Variants in LMF1 observed in about 807,000 individuals in gnomAD.
LMF1 encodes transmembrane protein 112.
Under a neutral mutation model 60.6 loss-of-function variants are expected in LMF1, and 68 were observed. The observed-to-expected ratio is 1.12, with a 90% CI of 0.92 to 1.37. The LOEUF is 1.37. Ranked by LOEUF, LMF1 falls within the 40% of genes most tolerant of loss-of-function variation. LMF1 has a pLI of 0.00. For synonymous variants in LMF1, 418 were observed against 324.7 expected, an observed-to-expected ratio of 1.29 and a Z score of -3.09; for missense variants, 948 against 767.2, an observed-to-expected ratio of 1.24 and a Z score of -2.78.
chr16:897,521 C>T lies in LMF1; in HGVS notation c.664-4449G>A, dbSNP rs998768536. Among the ~76,000 whole-genome samples, 2 of 152,204 alleles carry T rather than the reference C, an allele frequency of 1.3e-5. No individual in the cohort carries two copies. Among genetic ancestry groups the T allele is most frequent in the Admixed American group, 6.5e-5 (1 of 15,276 alleles). On this transcript the variant is annotated intron_variant, in intron 4 of 10. Coordinates refer to ENST00000262301, the MANE Select transcript of LMF1 (RefSeq NM_022773.4). The surrounding 1 kb of genome is among the most constrained non-coding windows in gnomAD (Gnocchi z 4.3). ...ACCTGTAAACACAGGGAATTACTCG[C>T]GACAGGTCCTGCCTCCGCAGGAGAG...
intron 2 of LMF1, among the ~76,000 whole-genome samples, chr16:952,239 C>T (rs1192331783): frequency 5.3e-5 from 8 of 152,136 alleles, no homozygotes; most frequent in Admixed American, 5.2e-4. Flanking sequence ...GCGGTGCCCA[C>T]CCCAGCAACA....
intron 3 of LMF1, among the ~76,000 whole-genome samples, chr16:915,910 A>C (rs2071267754): frequency 6.6e-6 from 1 of 151,886 alleles, no homozygotes; most frequent in African/African-American, 2.4e-5. Context: ...GGCAGGTGAG[A>C]CTCAGCAGCT....
At chr16:934,365 C>T in intron 2 of LMF1, 111 bp from the exon 3 acceptor site, 2 of 1,400,848 alleles carry the variant, frequency 1.4e-6, no homozygotes, top group Non-Finnish European at 2.0e-6. Context: ...GGTGTGGGGT[C>T]AGGGAAGCCC....
At chr16:919,412 G>A (rs1436865655) in intron 3 of LMF1, among the ~76,000 whole-genome samples, 1 of 152,138 alleles carries the variant, frequency 6.6e-6, no homozygotes, top group African/African-American at 2.4e-5. Flanking sequence ...GACACACACA[G>A]CTCCTGCCCC....
chr16:972,565 G>A (rs955388795), upstream of LMF1, among the ~76,000 whole-genome samples: 31 of 152,310 alleles, frequency 2.0e-4, 1 homozygote, highest in African/African-American at 7.0e-4. Flanking sequence ...CTGGGACCAC[G>A]CCTGCAGAGC....
At chr16:873,995 C>T (rs224164) in intron 6 of LMF1, 60,886 of 152,202 alleles carry the variant, frequency 0.4, 12,884 homozygotes, top group Middle Eastern at 0.48. Flanking sequence ...ACGTCCGAGT[C>T]GGGAATCCAG....
intron 5 of LMF1, among the ~76,000 whole-genome samples, chr16:887,357 C>T (rs1019107210): frequency 1.3e-5 from 2 of 152,336 alleles, no homozygotes; most frequent in Admixed American, 1.3e-4. Flanking sequence ...GGGGATGCAC[C>T]AGCCACAAGA....
chr16:875,999 C>T (rs1430638391), intron 6 of LMF1, among the ~76,000 whole-genome samples: 1 of 151,506 alleles, frequency 6.6e-6, no homozygotes, highest in African/African-American at 2.5e-5. Context: ...AGGCTGGACA[C>T]CCCTCCCTGG....
chr16:853,750 G>A lies in LMF1; in HGVS notation c.*782C>T. ...TAGACGCTGTTTGTCCGACGATGATGAAAGTGTGCACGGCCGGCTGTCCTC... is the reference window on the plus strand; with the variant it reads ...TAGACGCTGTTTGTCCGACGATGATAAAAGTGTGCACGGCCGGCTGTCCTC... On this transcript the variant is annotated 3_prime_UTR_variant, in exon 11 of 11. Coordinates refer to ENST00000262301, the MANE Select transcript of LMF1 (RefSeq NM_022773.4). 2.2e-6 allele frequency: 1 copy of A among 454,178 alleles called. No individual in the cohort carries two copies. The highest frequency in any genetic ancestry group is 4.4e-6 in the Non-Finnish European group (1 of 226,806). 28.1% of individuals were successfully genotyped at this position (454,178 alleles called of 1,614,324 possible).
At chr16:932,981 T>TAGGGGAGGCCTGGGGACTCAGGCC (rs1323303189) in intron 3 of LMF1, 1 of 152,216 alleles carries the variant, frequency 6.6e-6, no homozygotes, top group African/African-American at 2.4e-5. Flanking sequence ...GTGAGCACTC[T>TAGGGGAGGCCTGGGGACTCAGGCC]GCTCCCTTGA....
intron 9 of LMF1, 109 bp from the exon 10 acceptor site, chr16:869,165 T>C (rs943249361): frequency 3.8e-6 from 3 of 782,492 alleles, no homozygotes; most frequent in Non-Finnish European, 6.9e-6. Context: ...TTCCTGGAGG[T>C]GGGTTCCCTG....
Position 970,905 on chromosome 16 carries a change from C to G in LMF1, c.76G>C (p.Glu26Gln). The G allele has an allele frequency of 6.3e-7, 1 of 1,581,554 alleles. No homozygotes were observed. Among genetic ancestry groups the G allele is most frequent in the Non-Finnish European group, 8.6e-7 (1 of 1,165,480 alleles). Residue 26 changes from glutamate (E) to glutamine (Q), a missense_variant, in exon 1 of 11, where the codon GAG becomes CAG. Physicochemically the swap from Glu to Gln is conservative, Grantham distance 29. Transcript: ENST00000262301. ...CCCGGCGCGGGCGGCGACTCAGGCT[C>G]CGGATCCGAGTACCCAGTCTTCCGC... ...RRRKTGYSDPEPESPPAPGRG... is the reference protein window; with the variant it reads ...RRRKTGYSDPQPESPPAPGRG...
intron 3 of LMF1, among the ~76,000 whole-genome samples, chr16:925,986 C>T (rs116151539): frequency 0.055 from 8,261 of 151,268 alleles, 287 homozygotes; most frequent in Non-Finnish European, 0.072. Context: ...GATCTGCATA[C>T]GTGTCTGTAT....
chr16:947,947 G>A (rs1341087249), intron 2 of LMF1, among the ~76,000 whole-genome samples: 1 of 147,170 alleles, frequency 6.8e-6, no homozygotes, highest in Non-Finnish European at 1.5e-5. Flanking sequence ...GTCAGCCAAT[G>A]ACAGAGTCAG....
In LMF1 at chr16:870,857, G is replaced by A. The variant is rs750588216; in HGVS notation, c.1104C>T (p.Asn368=). The change falls in exon 8 of 11, where the codon AAC becomes AAT. Residue 368 remains asparagine (N), a synonymous_variant. Transcript: ENST00000262301. ...RFGSVVRRAA[N]VSLGVLLAWL... ...AGGCCAGCAGGACGCCCAGCGAGAC[G>A]TTGGCTGCACGCCGCACCACGGAGC... 27 of 1,610,318 alleles carry A rather than the reference G, an allele frequency of 1.7e-5. No homozygotes were observed. Among genetic ancestry groups the A allele is most frequent in the South Asian group, 2.2e-5 (2 of 91,072 alleles).
At chr16:914,627 T>C (rs796071517) in intron 3 of LMF1, among the ~76,000 whole-genome samples, 4 of 88,284 alleles carry the variant, frequency 4.5e-5, no homozygotes, top group Non-Finnish European at 6.5e-5. Context: ...CCATGACCAT[T>C]GGTGACACAC....
Position 871,337 on chromosome 16 carries a change from A to T in LMF1, c.902T>A (p.Val301Asp), listed in dbSNP as rs747889014. The change falls in exon 7 of 11, where the codon GTC becomes GAC. Residue 301 changes from valine (V) to aspartate (D), a missense_variant. Transcript: ENST00000262301. Reference protein sequence around the residue: ...HGVLQILFQAVLIVSGNLSFL... With the variant: ...HGVLQILFQADLIVSGNLSFL... ...GCTGAGGTTCCCGCTGACGATGAGG[A>T]CGGCCTGTGGAGACGCCGCAGCTGA... The T allele has an allele frequency of 6.8e-6, 11 of 1,610,328 alleles. No homozygotes were observed. The highest frequency in any genetic ancestry group is 9.3e-6 in the Non-Finnish European group (11 of 1,178,712).
intron 10 of LMF1, among the ~76,000 whole-genome samples, chr16:864,690 TTG>T (rs2069563574): frequency 6.6e-6 from 1 of 151,080 alleles, no homozygotes. Flanking sequence ...AGATAGGGTC[TTG>T]TGTCGCACAG....
intron 5 of LMF1, among the ~76,000 whole-genome samples, chr16:889,097 T>C (rs960061369): frequency 6.6e-6 from 1 of 152,098 alleles, no homozygotes; most frequent in Non-Finnish European, 1.5e-5. Flanking sequence ...GTAGAGGTCG[T>C]CAGAACTGAG....
Sources: gnomAD v4.1 joint callset for allele counts (sites outside exome capture counted in the v4.1 genomes callset) on GRCh38, gnomAD v4.1.1 for gene constraint, Gnocchi (gnomAD v3.1) non-coding constraint, MANE v1.5 for transcripts, NCBI Gene and HGNC (gene_info 2026-07-23, HGNC 2026-07-21) for gene names.